DENND4B: variants seen among roughly 807,000 people sequenced by gnomAD.
DENND4B encodes the protein DENN domain-containing protein 4B.
Under a neutral mutation model 161.0 loss-of-function variants are expected in DENND4B, and 67 were observed. The ratio of observed to expected loss-of-function variants is 0.42; its 90% CI spans 0.34 to 0.51. The LOEUF is 0.51. Among genes scored for constraint, DENND4B ranks in the 20% least tolerant of loss-of-function variants. The pLI, the probability that DENND4B is intolerant of heterozygous loss-of-function variation, is 0.08. For synonymous variants in DENND4B, 753 were observed against 813.8 expected (o/e 0.93, Z 1.27); for missense variants, 1,481 against 1,968.0 (o/e 0.75, Z 4.68).
rs556186737 is a variant in DENND4B at position 153,935,990 on chromosome 1, G to T, written c.2568+70C>A. Reference sequence around the variant, plus strand: ...CAGCCCAATCTCCAAGGAGCGAGGGGAGCAGCAGCAGCCTCCCCTCACACA... The same window carrying T: ...CAGCCCAATCTCCAAGGAGCGAGGGTAGCAGCAGCAGCCTCCCCTCACACA... On this transcript the variant is annotated intron_variant, in intron 17 of 27. Coordinates refer to ENST00000361217, the MANE Select transcript of DENND4B (RefSeq NM_014856.3). The T allele has an allele frequency of 1.1e-5, 17 of 1,581,230 alleles. No individual in the cohort carries two copies. In the South Asian group the frequency reaches 1.6e-4, roughly 15 times the overall value.
In DENND4B at chr1:153,942,004, A is replaced by C; in HGVS notation, c.920T>G (p.Leu307Arg). Residue 307 changes from leucine (L) to arginine (R), a missense_variant, in exon 6 of 28, where the codon CTG becomes CGG. Physicochemically the swap from Leu to Arg is moderately radical, Grantham distance 102. This residue lies in a region of DENND4B where 806 missense variants were observed against 1,134.4 expected (regional missense o/e 0.71). Transcript: ENST00000361217. This position sits in a 1 kb window ranked among gnomAD's most constrained non-coding sequence, Gnocchi z 6.9. The stretch of plus-strand genomic sequence containing the variant: ...CCGGCTGCGCACAGCTCTGCCCCCC[A>C]GTGCCCGACCCCGCTCCACGGCGCT... ...LLSAVERGRA[L>R]GGRAVRSRRA... 6.2e-7 allele frequency: 1 copy of C among 1,612,074 alleles called. No homozygotes were observed. Among genetic ancestry groups the C allele is most frequent in the Non-Finnish European group, 8.5e-7 (1 of 1,179,330 alleles).
At position 153,933,790 on chromosome 1, in the gene DENND4B, G is replaced by A; in HGVS notation, c.3023C>T (p.Thr1008Ile). ...GCCTCCAGGGAGCGGCTCCTCCCCT[G>A]TCAGGCTCAGGTCTGAGAGACTTCC... is the stretch of plus-strand genomic sequence containing the variant. ...HDGSLSDLSL[T>I]GEEPLPGGSP... Residue 1008 changes from threonine (T) to isoleucine (I), a missense_variant, in exon 20 of 28, where the codon ACA becomes ATA. Thr to Ile is a moderately conservative substitution (Grantham distance 89). Around this residue, in one of 3 missense-constraint regions of DENND4B, gnomAD observed 339 missense variants for 330.3 expected, o/e 1.03. Transcript: ENST00000361217. This position sits in a 1 kb window ranked among gnomAD's most constrained non-coding sequence, Gnocchi z 5.7. 1 of 1,612,114 alleles carries A rather than the reference G, an allele frequency of 6.2e-7. No homozygotes were observed. Among genetic ancestry groups the A allele is most frequent in the Non-Finnish European group, 8.5e-7 (1 of 1,179,426 alleles).
chr1:153,942,827 C>T lies in DENND4B; in HGVS notation c.570+51G>A. Reference sequence around the variant, plus strand: ...GGATGCCCTTTGTTCCCAGTGTCCACACCCACTCTTACACCAAGAGGACCA... The same window carrying T: ...GGATGCCCTTTGTTCCCAGTGTCCATACCCACTCTTACACCAAGAGGACCA... On this transcript the variant is annotated intron_variant, in intron 3 of 27. Transcript: ENST00000361217. This position sits in a 1 kb window ranked among gnomAD's most constrained non-coding sequence, Gnocchi z 6.9. The T allele has an allele frequency of 6.4e-7, 1 of 1,555,380 alleles. No homozygotes were observed. The highest frequency in any genetic ancestry group is 8.7e-7 in the Non-Finnish European group (1 of 1,146,988).
In DENND4B at chr1:153,937,392, T is replaced by C; in HGVS notation, c.2232+96A>G. ...ACTCCTAACAACCTCATGGGTTAAG[T>C]ATTATTGTTATACCCATTTTGTAGA... On this transcript the variant is annotated intron_variant, in intron 15 of 27. Transcript: ENST00000361217. The surrounding 1 kb of genome is among the most constrained non-coding windows in gnomAD (Gnocchi z 4.7). The C allele has an allele frequency of 7.0e-7, 1 of 1,433,176 alleles. No individual in the cohort carries two copies. Among genetic ancestry groups the C allele is most frequent in the South Asian group, 1.5e-5 (1 of 66,834 alleles). 88.8% of individuals were successfully genotyped at this position (1,433,176 alleles called of 1,614,324 possible).
At chr1:153,935,775 GA>G (rs1365847633) in intron 17 of DENND4B, 1 of 359,426 alleles carries the variant, frequency 2.8e-6, no homozygotes, top group African/African-American at 2.1e-5. Flanking sequence ...GGGCTGTCGT[GA>G]AGATAAAATG....
Position 153,940,581 on chromosome 1 carries a change from C to T in DENND4B, c.1352G>A (p.Cys451Tyr). 9 of 1,613,196 alleles carry T rather than the reference C, an allele frequency of 5.6e-6. No individual in the cohort carries two copies. The highest frequency in any genetic ancestry group is 7.6e-6 in the Non-Finnish European group (9 of 1,179,576). Residue 451 changes from cysteine to tyrosine, a missense_variant, in exon 10 of 28, where the codon TGC becomes TAC. Physicochemically the swap from Cys to Tyr is radical, Grantham distance 194. Transcript: ENST00000361217. This position sits in a 1 kb window ranked among gnomAD's most constrained non-coding sequence, Gnocchi z 5.6. ...VSMIFPLHWQCPYIPLCPLVL... is the reference protein window; with the variant it reads ...VSMIFPLHWQYPYIPLCPLVL... ...CAGCGGGCACAGAGGAATGTAGGGGCACTGCCAGTGCAGTGGGAAGATCAT... is the reference window on the plus strand; with the variant it reads ...CAGCGGGCACAGAGGAATGTAGGGGTACTGCCAGTGCAGTGGGAAGATCAT...
At position 153,937,244 on chromosome 1, in the gene DENND4B, G is replaced by T. The variant is rs966680821; in HGVS notation, c.2232+244C>A. On this transcript the variant is annotated intron_variant, in intron 15 of 27. Transcript: ENST00000361217. The surrounding 1 kb of genome is among the most constrained non-coding windows in gnomAD (Gnocchi z 4.7). ...TTGAGCATGGGCAGGTGCCCTAGAAGACATGGCCAGCCCCTGGATTCCCAG... is the reference window on the plus strand; with the variant it reads ...TTGAGCATGGGCAGGTGCCCTAGAATACATGGCCAGCCCCTGGATTCCCAG... 2.0e-5 allele frequency among the ~76,000 whole-genome samples: 3 copies of T among 152,374 alleles called. No homozygotes were observed. The Middle Eastern group carries it at 0.01, about 518-fold the overall frequency.
At position 153,939,701 on chromosome 1, in the gene DENND4B, G is replaced by T. The variant is rs1679558798; in HGVS notation, c.1707C>A (p.Ala569=). The T allele has an allele frequency of 5.0e-6, 8 of 1,614,000 alleles. No homozygotes were observed. In the East Asian group the frequency reaches 1.8e-4, roughly 36 times the overall value. Reference sequence around the variant, plus strand: ...GCAGACAGGCCATGAAGCGGAGGAAGGCTCCTTGGACTTCGCGCTCCAGCC... The same window carrying T: ...GCAGACAGGCCATGAAGCGGAGGAATGCTCCTTGGACTTCGCGCTCCAGCC... The part of the protein sequence containing the change: ...RARLEREVQG[A]FLRFMACLLK... Residue 569 remains alanine (A), a synonymous_variant, in exon 12 of 28, where the codon GCC becomes GCA. Transcript: ENST00000361217.
At chr1:153,941,775 G>GGGGGGCC in intron 6 of DENND4B, 94 bp downstream of exon 6, 33 of 1,338,152 alleles carry the variant, frequency 2.5e-5, no homozygotes, top group East Asian at 7.8e-5. Context: ...CCTGTGCCCA[G>GGGGGGCC]CCCTCCCCCC....
chr1:153,936,840 G>A lies in DENND4B; in HGVS notation c.2233-92C>T, dbSNP rs1679369115. On this transcript the variant is annotated intron_variant, in intron 15 of 27. Coordinates refer to ENST00000361217, the MANE Select transcript of DENND4B (RefSeq NM_014856.3). The surrounding 1 kb of genome is among the most constrained non-coding windows in gnomAD (Gnocchi z 4.1). ...TATTTATTTATGACGGTCTCGCTCT[G>A]TCACCCAGGCTGGAGTGCAGTGGCG... 9 of 1,303,178 alleles carry A rather than the reference G, an allele frequency of 6.9e-6. No homozygotes were observed. The highest frequency in any genetic ancestry group is 3.2e-5 in the Admixed American group (1 of 30,960). 80.7% of individuals were successfully genotyped at this position (1,303,178 alleles called of 1,614,324 possible).
chr1:153,940,707 C>A lies in DENND4B; in HGVS notation c.1327-101G>T. The A allele has an allele frequency of 6.7e-7, 1 of 1,496,554 alleles. No individual in the cohort carries two copies. 92.7% of individuals were successfully genotyped at this position (1,496,554 alleles called of 1,614,324 possible). A position where few individuals can be genotyped will look rare whatever the true frequency, so the allele number is the denominator to read the frequency against. On this transcript the variant is annotated intron_variant, in intron 9 of 27. Transcript: ENST00000361217. This position sits in a 1 kb window ranked among gnomAD's most constrained non-coding sequence, Gnocchi z 5.6. ...GGGCATTGGCCTTGGGGAGTTGGTGCCTGTTGAGAGAGGCTGTTGGAAGTA... is the reference window on the plus strand; with the variant it reads ...GGGCATTGGCCTTGGGGAGTTGGTGACTGTTGAGAGAGGCTGTTGGAAGTA...
In DENND4B at chr1:153,940,764, T is replaced by C; in HGVS notation, c.1326+140A>G. 3 of 1,441,426 alleles carry C rather than the reference T, an allele frequency of 2.1e-6. No homozygotes were observed. The highest frequency in any genetic ancestry group is 2.8e-6 in the Non-Finnish European group (3 of 1,082,084). The allele number at this position is 1,441,426 out of a possible 1,614,324, so 89.3% of individuals were successfully genotyped here. On this transcript the variant is annotated intron_variant, in intron 9 of 27. Transcript: ENST00000361217. The surrounding 1 kb of genome is among the most constrained non-coding windows in gnomAD (Gnocchi z 5.6). ...AGAGAAGAGCTCCTGATGGAAGCTATGTGTTCCTGCAGGCTGTGCCCAGGG... is the reference window on the plus strand; with the variant it reads ...AGAGAAGAGCTCCTGATGGAAGCTACGTGTTCCTGCAGGCTGTGCCCAGGG...
In DENND4B at chr1:153,939,754, A is replaced by G. The variant is rs1343713895; in HGVS notation, c.1654T>C (p.Tyr552His). 7 of 1,613,910 alleles carry G rather than the reference A, an allele frequency of 4.3e-6. No homozygotes were observed. Among genetic ancestry groups the G allele is most frequent in the East Asian group, 2.2e-5 (1 of 44,856 alleles). ...GCCCTGCGGCCACACACTGCCTCGT[A>G]GTCTGTCAGTAGGAACTCCAGGGAT... is the stretch of plus-strand genomic sequence containing the variant. The part of the protein sequence containing the change: ...EASLEFLLTD[Y>H]EAVCGRRARL... Residue 552 changes from tyrosine (Y) to histidine (H), a missense_variant, in exon 12 of 28, where the codon TAC becomes CAC. By Grantham distance (83) the Tyr-to-His change is moderately conservative. Around this residue, in one of 3 missense-constraint regions of DENND4B, gnomAD observed 806 missense variants for 1,134.4 expected, o/e 0.71. Coordinates refer to ENST00000361217, the MANE Select transcript of DENND4B (RefSeq NM_014856.3).
Position 153,942,752 on chromosome 1 carries a change from A to C in DENND4B, c.570+126T>G. ...CTCCCATTAATCCCAGTGCCCCAAG[A>C]CCAGAGTTACCCCTCTGGACTCACC... On this transcript the variant is annotated intron_variant, in intron 3 of 27. Coordinates refer to ENST00000361217, the MANE Select transcript of DENND4B (RefSeq NM_014856.3). This position sits in a 1 kb window ranked among gnomAD's most constrained non-coding sequence, Gnocchi z 6.9. 3 of 1,473,870 alleles carry C rather than the reference A, an allele frequency of 2.0e-6. No homozygotes were observed. The highest frequency in any genetic ancestry group is 2.7e-6 in the Non-Finnish European group (3 of 1,107,878). The allele number at this position is 1,473,870 out of a possible 1,614,324, so 91.3% of individuals were successfully genotyped here.
chr1:153,935,928 TG>T, intron 17 of DENND4B, 131 bp downstream of exon 17: 1 of 1,165,982 alleles, frequency 8.6e-7, no homozygotes, highest in Non-Finnish European at 1.2e-6. Context: ...GAGTGCAATG[TG>T]GATGACAGTG....
chr1:153,935,061 C>T (rs1237746014), intron 17 of DENND4B, 97 bp from the exon 18 acceptor site: 26 of 1,551,492 alleles, frequency 1.7e-5, no homozygotes, highest in Middle Eastern at 3.4e-4. Flanking sequence ...CCGCCCTTCC[C>T]CTGCAGACAT....
chr1:153,935,036 T>G, intron 17 of DENND4B, 72 bp from the exon 18 acceptor site: 1 of 1,576,412 alleles, frequency 6.3e-7, no homozygotes, highest in Non-Finnish European at 8.6e-7. Context: ...ACTCCCTGTC[T>G]TGGAGCCCCA....
rs1461548642 is a variant in DENND4B at position 153,935,232 on chromosome 1, A to C, written c.2569-268T>G. 1.4e-5 allele frequency: 7 copies of C among 511,462 alleles called. No individual in the cohort carries two copies. The East Asian group carries it at 2.3e-4, about 17-fold the overall frequency. The allele number at this position is 511,462 out of a possible 1,614,324, so 31.7% of individuals were successfully genotyped here. ...TAGAAATATAAAATATATGGCTCTG[A>C]AGAAATCATTTCATTTATTTGGTCA... On this transcript the variant is annotated intron_variant, in intron 17 of 27. Transcript: ENST00000361217.
intron 17 of DENND4B, chr1:153,935,826 A>G (rs971183947): frequency 3.4e-5 from 17 of 503,394 alleles, no homozygotes; most frequent in Non-Finnish European, 6.1e-5. Flanking sequence ...TGCCTGGCTT[A>G]GCGGCTGACA....
Sources: allele counts gnomAD v4.1 joint callset (sites outside exome capture counted in the v4.1 genomes callset), GRCh38; gene constraint gnomAD v4.1.1; regional missense constraint gnomAD v4.1.1; non-coding constraint Gnocchi (gnomAD v3.1); transcripts MANE v1.5; gene names NCBI Gene and HGNC (gene_info 2026-07-23, HGNC 2026-07-21).